The following CNTN5 variants were observed in gnomAD, a reference collection of about 807,000 sequenced individuals.
CNTN5 encodes contactin 5.
A neutral mutation model predicts 129.1 loss-of-function variants in CNTN5; 77 were observed. The observed-to-expected ratio is 0.60, with a 90% CI of 0.50 to 0.72. The LOEUF (loss-of-function observed/expected upper bound fraction) is 0.72, where lower values mean the gene tolerates loss of function less well. CNTN5 is among the 30% of genes least tolerant of loss of function. The pLI, the probability that CNTN5 is intolerant of heterozygous loss-of-function variation, is 0.00. For synonymous variants in CNTN5, 509 were observed against 465.6 expected (o/e 1.09, Z -1.20); for missense variants, 1,478 against 1,328.8 (o/e 1.11, Z -1.75).
At chr11:99,270,184 T>C (rs1863108173) in intron 1 of CNTN5, among the ~76,000 whole-genome samples, 1 of 151,896 alleles carries the variant, frequency 6.6e-6, no homozygotes, top group African/African-American at 2.4e-5. Context: ...TGTACATAGT[T>C]ATGAGATAAA....
chr11:99,960,076 TC>T (rs1950902393), intron 8 of CNTN5, among the ~76,000 whole-genome samples: 1 of 152,222 alleles, frequency 6.6e-6, no homozygotes, highest in African/African-American at 2.4e-5. Context: ...TTGTTGTTGT[TC>T]CATAAGGTTC....
In CNTN5 at chr11:99,925,887, A is replaced by G. The variant is rs561776509; in HGVS notation, c.673+9738A>G. ...ACACTATGATGAAGGAATACCAGAT[A>G]TTCTCTGCTTCTAAATAGCTATATT... On this transcript the variant is annotated intron_variant, in intron 7 of 24. Transcript: ENST00000524871. 1.2e-4 allele frequency among the ~76,000 whole-genome samples: 18 copies of G among 152,242 alleles called. No individual in the cohort carries two copies. The East Asian group carries it at 2.5e-3, about 21-fold the overall frequency.
intron 10 of CNTN5, among the ~76,000 whole-genome samples, chr11:100,069,955 A>C (rs1292608632): frequency 6.6e-6 from 1 of 152,176 alleles, no homozygotes; most frequent in Non-Finnish European, 1.5e-5. Context: ...AAAATTTTAC[A>C]GTGAAATCTG....
intron 9 of CNTN5, among the ~76,000 whole-genome samples, chr11:100,058,644 A>C (rs1490782851): frequency 6.6e-6 from 1 of 152,118 alleles, no homozygotes; most frequent in Non-Finnish European, 1.5e-5. Context: ...AGCAACTTCA[A>C]TTTTATGTTT....
chr11:100,156,450 G>T (rs149649755), intron 13 of CNTN5, among the ~76,000 whole-genome samples: 1 of 151,988 alleles, frequency 6.6e-6, no homozygotes, highest in African/African-American at 2.4e-5. Flanking sequence ...CAGGGATATC[G>T]GCCTGAAATT....
At chr11:100,327,316 C>A (rs535545704) in intron 21 of CNTN5, among the ~76,000 whole-genome samples, 4 of 152,174 alleles carry the variant, frequency 2.6e-5, no homozygotes, top group Non-Finnish European at 4.4e-5. Flanking sequence ...ATCAAGTGCA[C>A]CACACACGGA....
intron 2 of CNTN5, among the ~76,000 whole-genome samples, chr11:99,348,732 A>G (rs190105638): frequency 7.5e-4 from 114 of 152,306 alleles, no homozygotes; most frequent in African/African-American, 2.7e-3. Context: ...TGTGTGTATT[A>G]TATATCACAT....
At chr11:99,993,340 G>T (rs192501290) in intron 8 of CNTN5, among the ~76,000 whole-genome samples, 43 of 152,118 alleles carry the variant, frequency 2.8e-4, no homozygotes, top group Non-Finnish European at 4.3e-4. Context: ...TAGGACCTTG[G>T]GCCAGTTACT....
intron 1 of CNTN5, among the ~76,000 whole-genome samples, chr11:99,119,668 A>T (rs1162564940): frequency 6.6e-6 from 1 of 152,144 alleles, no homozygotes. Context: ...TGGGATTGCT[A>T]GATCAAATAG....
intron 16 of CNTN5, among the ~76,000 whole-genome samples, chr11:100,238,375 C>T (rs530245183): frequency 3.5e-5 from 5 of 143,756 alleles, no homozygotes; most frequent in Non-Finnish European, 7.5e-5. Context: ...GGCAAGTCAT[C>T]CTACCTCTTT....
chr11:99,390,131 CT>C (rs11396242), intron 2 of CNTN5, among the ~76,000 whole-genome samples: 6 of 149,186 alleles, frequency 4.0e-5, no homozygotes, highest in Admixed American at 1.3e-4. Context: ...TAAAATAAGC[CT>C]TTTTTTTTTG....
chr11:100,154,603 C>T (rs1008076339), intron 13 of CNTN5, among the ~76,000 whole-genome samples: 10 of 152,124 alleles, frequency 6.6e-5, no homozygotes, highest in African/African-American at 2.4e-4. Context: ...GCCACCCTGT[C>T]TTCCACAATG....
At position 99,913,920 on chromosome 11, in the gene CNTN5, G is replaced by A. The variant is rs114476154; in HGVS notation, c.578-2134G>A. On this transcript the variant is annotated intron_variant, in intron 6 of 24. Transcript: ENST00000524871. ...ACCTTCCAGAATTTGTAGATTCGAT[G>A]AAGATGAAAAGAGGAAAGTGAAACC... 3.1e-3 allele frequency among the ~76,000 whole-genome samples: 468 copies of A among 152,130 alleles called. 3 individuals carry two copies. The highest frequency in any genetic ancestry group is 0.011 in the African/African-American group (444 of 41,526).
chr11:99,951,575 G>A (rs1431399693), intron 7 of CNTN5, among the ~76,000 whole-genome samples: 1 of 152,000 alleles, frequency 6.6e-6, no homozygotes, highest in Non-Finnish European at 1.5e-5. Context: ...GATAGGGATT[G>A]GACTACCTAA....
intron 17 of CNTN5, among the ~76,000 whole-genome samples, chr11:100,266,526 T>C (rs1221108114): frequency 6.6e-6 from 1 of 152,084 alleles, no homozygotes; most frequent in Non-Finnish European, 1.5e-5. Flanking sequence ...TTTTACTTTC[T>C]TTCATATTGC....
At chr11:99,637,382 G>A (rs1316437689) in intron 3 of CNTN5, among the ~76,000 whole-genome samples, 4 of 152,086 alleles carry the variant, frequency 2.6e-5, no homozygotes, top group Non-Finnish European at 4.4e-5. Context: ...GTTGTATATA[G>A]CATAATACTT....
intron 2 of CNTN5, among the ~76,000 whole-genome samples, chr11:99,525,650 A>T (rs1433164861): frequency 1.3e-5 from 2 of 152,240 alleles, no homozygotes; most frequent in South Asian, 4.1e-4. Context: ...AAGTTTGAAG[A>T]AATGCATAGA....
chr11:99,955,898 A>T (rs1386666383), intron 7 of CNTN5, among the ~76,000 whole-genome samples: 1 of 152,116 alleles, frequency 6.6e-6, no homozygotes, highest in African/African-American at 2.4e-5. Context: ...TATTAGCGAA[A>T]TCTTGCTTAG....
intron 3 of CNTN5, among the ~76,000 whole-genome samples, chr11:99,591,769 T>A (rs1949989475): frequency 6.6e-6 from 1 of 152,070 alleles, no homozygotes; most frequent in Non-Finnish European, 1.5e-5. Flanking sequence ...TGAATAAGGA[T>A]AAGAGAAGGC....
Sources: allele counts gnomAD v4.1 joint callset (sites outside exome capture counted in the v4.1 genomes callset), GRCh38; gene constraint gnomAD v4.1.1; transcripts MANE v1.5; gene names NCBI Gene and HGNC (gene_info 2026-07-23, HGNC 2026-07-21).